The following EVI5L variants were observed in gnomAD, a reference collection of about 807,000 sequenced individuals.
EVI5L encodes EVI5-like protein.
EVI5L carries 30 observed loss-of-function variants against 106.1 expected under a neutral mutation model. That is an observed-to-expected ratio of 0.28 (90% CI 0.21 to 0.38). The LOEUF (loss-of-function observed/expected upper bound fraction) is 0.38, where lower values mean the gene tolerates loss of function less well. Among genes scored for constraint, EVI5L ranks in the 10% least tolerant of loss-of-function variants. The pLI, the probability that EVI5L is intolerant of heterozygous loss-of-function variation, is 1.00. For missense variants in EVI5L, 809 were observed against 1,098.0 expected (o/e 0.74, Z 3.72); for synonymous variants, 489 against 483.3 (o/e 1.01, Z -0.15).
intron 1 of EVI5L, among the ~76,000 whole-genome samples, chr19:7,831,475 G>A (rs903227288): frequency 1.3e-5 from 2 of 151,976 alleles, no homozygotes; most frequent in African/African-American, 4.8e-5. Context: ...CGCACCCCAG[G>A]AAGCCAACTT....
At chr19:7,849,425 C>A in intron 5 of EVI5L, 95 bp downstream of exon 5, 1 of 1,336,578 alleles carries the variant, frequency 7.5e-7, no homozygotes, top group Non-Finnish European at 1.0e-6. Flanking sequence ...GTCCTCCACC[C>A]AGCGTCTTGC....
At chr19:7,853,409 C>T in intron 10 of EVI5L, 76 bp downstream of exon 10, 1 of 1,544,038 alleles carries the variant, frequency 6.5e-7, no homozygotes, top group South Asian at 1.2e-5. Context: ...TAAAGATCGG[C>T]CGCTAGGGGG....
intron 1 of EVI5L, among the ~76,000 whole-genome samples, chr19:7,831,808 C>T (rs1043027555): frequency 6.6e-6 from 1 of 152,252 alleles, no homozygotes; most frequent in Non-Finnish European, 1.5e-5. Context: ...GCCAGCAGGG[C>T]GGTCCAGGTT....
rs972361915 is a variant in EVI5L, at chr19:7,863,265, G to C, written c.2124G>C (p.Glu708Asp). 14 of 1,557,672 alleles carry C rather than the reference G, an allele frequency of 9.0e-6. No homozygotes were observed. In the South Asian group the frequency reaches 1.3e-4, roughly 14 times the overall value. ...QYIRELKDQIEELKAEVRLLK... is the reference protein window; with the variant it reads ...QYIRELKDQIDELKAEVRLLK... ...TCCGCGAGCTCAAGGACCAGATCGA[G>C]GAGCTGAAGGCCGAGGTGAGCCGGC... Residue 708 changes from glutamate (E) to aspartate (D), a missense_variant, in exon 19 of 20, where the codon GAG becomes GAC. Around this residue, in one of 2 missense-constraint regions of EVI5L, gnomAD observed 452 missense variants for 509.9 expected, o/e 0.89. Transcript: ENST00000538904. The surrounding 1 kb of genome is among the most constrained non-coding windows in gnomAD (Gnocchi z 7.7).
chr19:7,862,736 GA>G (rs1281329289), intron 17 of EVI5L, among the ~76,000 whole-genome samples: 3 of 47,946 alleles, frequency 6.3e-5, no homozygotes, highest in Non-Finnish European at 8.4e-5. Context: ...CCCGCCTCCT[GA>G]CCACCCCCCC....
Position 7,863,079 on chromosome 19 carries a change from G to C in EVI5L, c.2043+12G>C, listed in dbSNP as rs755579292. 1.5e-5 allele frequency: 22 copies of C among 1,437,376 alleles called. No homozygotes were observed. Among genetic ancestry groups the C allele is most frequent in the Non-Finnish European group, 1.9e-5 (20 of 1,059,890 alleles). 89.0% of individuals were successfully genotyped at this position (1,437,376 alleles called of 1,614,324 possible). A position where few individuals can be genotyped will look rare whatever the true frequency, so the allele number is the denominator to read the frequency against. ...AGCTGGAGATCCAGGTGATCGGCGG[G>C]GCCGGGGTCGGGGGGCGGGGGCGGG... On this transcript the variant is annotated intron_variant, in intron 18 of 19. Transcript: ENST00000538904. The surrounding 1 kb of genome is among the most constrained non-coding windows in gnomAD (Gnocchi z 7.7).
Position 7,863,562 on chromosome 19 carries a change from C to A in EVI5L, c.2278C>A (p.Gln760Lys), listed in dbSNP as rs1461303003. The change falls in exon 20 of 20, where the codon CAG becomes AAG. Residue 760 changes from glutamine to lysine, a missense_variant. Gln to Lys is a moderately conservative substitution (Grantham distance 53). This residue lies in a region of EVI5L where 452 missense variants were observed against 509.9 expected (regional missense o/e 0.89). Coordinates refer to ENST00000538904, the MANE Select transcript of EVI5L (RefSeq NM_001159944.3). The surrounding 1 kb of genome is among the most constrained non-coding windows in gnomAD (Gnocchi z 7.7). ...LLGVGVGAAL[Q>K]DALYPLSPRD... ...TGGCGTAGGCGTGGGCGCTGCCCTGCAGGACGCATTGTACCCTCTGTCCCC... is the reference window on the plus strand; with the variant it reads ...TGGCGTAGGCGTGGGCGCTGCCCTGAAGGACGCATTGTACCCTCTGTCCCC... 6.3e-7 allele frequency: 1 copy of A among 1,599,562 alleles called. No individual in the cohort carries two copies. The highest frequency in any genetic ancestry group is 8.5e-7 in the Non-Finnish European group (1 of 1,174,068).
chr19:7,830,433 C>A (rs1271255630), intron 1 of EVI5L, 52 bp downstream of exon 1: 2 of 151,438 alleles, frequency 1.3e-5, no homozygotes, highest in South Asian at 2.1e-4. Context: ...CCGGCGGCTC[C>A]GTGATGCGGC....
intron 8 of EVI5L, chr19:7,852,718 A>AT (rs78343459): frequency 0.42 from 89,765 of 211,660 alleles, 16,777 homozygotes; most frequent in Middle Eastern, 0.5. Context: ...TGTCCAGCTA[A>AT]TTTTTTTTTT....
At chr19:7,842,152 TGAG>T (rs1226804121) in intron 1 of EVI5L, among the ~76,000 whole-genome samples, 1 of 151,980 alleles carries the variant, frequency 6.6e-6, no homozygotes, top group Non-Finnish European at 1.5e-5. Context: ...TGCATGTGTA[TGAG>T]GTGTGTACTG....
At chr19:7,849,684 G>T (rs1165132220) in intron 5 of EVI5L, among the ~76,000 whole-genome samples, 2 of 152,176 alleles carry the variant, frequency 1.3e-5, no homozygotes, top group Non-Finnish European at 2.9e-5. Flanking sequence ...AAATCGGGAG[G>T]CTGACAGGGA....
At chr19:7,838,515 A>C (rs1228977488) in intron 1 of EVI5L, among the ~76,000 whole-genome samples, 1 of 152,230 alleles carries the variant, frequency 6.6e-6, no homozygotes, top group East Asian at 1.9e-4. Flanking sequence ...TAGCCACGTA[A>C]CTTATCACTG....
rs1979179209 is a variant in EVI5L, at chr19:7,850,319, C to G, written c.753+197C>G. 6.6e-6 allele frequency among the ~76,000 whole-genome samples: 1 copy of G among 152,164 alleles called. No homozygotes were observed. The highest frequency in any genetic ancestry group is 2.4e-5 in the African/African-American group (1 of 41,424). ...AAAAGGCACTCCTCTTTCCATGCAG[C>G]ACTGCCCTGAAGGATGCTTGGAGGA... is the stretch of plus-strand genomic sequence containing the variant. On this transcript the variant is annotated intron_variant, in intron 6 of 19. Transcript: ENST00000538904. The surrounding 1 kb of genome is among the most constrained non-coding windows in gnomAD (Gnocchi z 5.4).
Position 7,863,427 on chromosome 19 carries a change from CGGCTGCT to C in EVI5L, c.2145_2151del (p.Leu716ArgfsTer15). The C allele has an allele frequency of 6.5e-7, 1 of 1,540,506 alleles. No individual in the cohort carries two copies. Among genetic ancestry groups the C allele is most frequent in the Non-Finnish European group, 8.7e-7 (1 of 1,143,392 alleles). ...CAGCGCCGGTCCCCCGCCCCAGGTG[CGGCTGCT>C]GAAGGGCCCGCCGCCCTTCGAGGAC... is the stretch of plus-strand genomic sequence containing the variant. On this transcript the variant is annotated frameshift_variant, in exon 20 of 20. Transcript: ENST00000538904. LOFTEE classifies it high-confidence loss of function. This position sits in a 1 kb window ranked among gnomAD's most constrained non-coding sequence, Gnocchi z 7.7.
At chr19:7,861,778 G>A in intron 14 of EVI5L, 100 bp from the exon 15 acceptor site, 1 of 1,470,956 alleles carries the variant, frequency 6.8e-7, no homozygotes, top group Non-Finnish European at 9.1e-7. Flanking sequence ...AGCCGCCCAA[G>A]GCAGAGCTCA....
chr19:7,862,043 G>A (rs758513052), intron 15 of EVI5L, 25 bp downstream of exon 15: 41 of 1,538,850 alleles, frequency 2.7e-5, no homozygotes, highest in African/African-American at 1.1e-4. Flanking sequence ...GGCGCCGGCG[G>A]GCAGAGCGCC....
chr19:7,853,571 G>T, intron 10 of EVI5L: 1 of 592,388 alleles, frequency 1.7e-6, no homozygotes, highest in Non-Finnish European at 3.0e-6. Flanking sequence ...GCCCCGCTGG[G>T]CCGCCCAGCG....
Position 7,831,626 on chromosome 19 carries a change from G to A in EVI5L, c.-48+1245G>A, listed in dbSNP as rs1268974017. On this transcript the variant is annotated intron_variant, in intron 1 of 19. Transcript: ENST00000538904. ...CTTCCCTGCTGTGCCCTTTCAAAGG[G>A]AAGGACGCTCACTTTCTCTCCTACA... Among the ~76,000 whole-genome samples the A allele has an allele frequency of 4.6e-5, 7 of 152,216 alleles. 1 individual carries two copies. Among genetic ancestry groups the A allele is most frequent in the Admixed American group, 4.6e-4 (7 of 15,286 alleles).
intron 2 of EVI5L, 102 bp from the exon 3 acceptor site, chr19:7,847,630 T>G (rs551554016): frequency 8.7e-6 from 10 of 1,153,470 alleles, no homozygotes; most frequent in Middle Eastern, 3.0e-4. Context: ...TAATCCCTGG[T>G]GTCCTCTAAG....
Sources: allele counts gnomAD v4.1 joint callset (sites outside exome capture counted in the v4.1 genomes callset), GRCh38; gene constraint gnomAD v4.1.1; regional missense constraint gnomAD v4.1.1; non-coding constraint Gnocchi (gnomAD v3.1); transcripts MANE v1.5; gene names NCBI Gene and HGNC (gene_info 2026-07-23, HGNC 2026-07-21).